The following SLC7A7 variants were observed in gnomAD, a reference collection of about 807,000 sequenced individuals.
SLC7A7 encodes solute carrier family 7 member 7.
Under a neutral mutation model 47.9 loss-of-function variants are expected in SLC7A7, and 39 were observed. The ratio of observed to expected loss-of-function variants is 0.81; its 90% CI spans 0.63 to 1.06. The LOEUF is 1.06. Among genes scored for constraint, SLC7A7 ranks in the 50% least tolerant of loss-of-function variants. SLC7A7 has a pLI of 0.00. For synonymous variants in SLC7A7, 234 were observed against 242.8 expected (o/e 0.96, Z 0.34); for missense variants, 588 against 632.0 (o/e 0.93, Z 0.75).
upstream of SLC7A7, chr14:22,815,789 C>G (rs776867337): frequency 1.4e-5 from 6 of 415,772 alleles, no homozygotes; most frequent in African/African-American, 4.1e-5. Flanking sequence ...CTCTCTCTCT[C>G]TGTGTCCTCC....
At chr14:22,783,942 C>A (rs959697056) in intron 2 of SLC7A7, among the ~76,000 whole-genome samples, 3 of 152,222 alleles carry the variant, frequency 2.0e-5, no homozygotes, top group African/African-American at 7.2e-5. Context: ...AGCCTAGCTT[C>A]CTCCAGGGCC....
At chr14:22,804,879 C>T (rs57997165) in intron 2 of SLC7A7, among the ~76,000 whole-genome samples, 26,067 of 151,900 alleles carry the variant, frequency 0.17, 2,368 homozygotes, top group East Asian at 0.22. Flanking sequence ...GGGGTGTGTA[C>T]GCCTGTTATC....
chr14:22,775,660 G>T, intron 6 of SLC7A7, 120 bp from the exon 7 acceptor site: 1 of 965,760 alleles, frequency 1.0e-6, no homozygotes, highest in Non-Finnish European at 1.7e-6. Flanking sequence ...GGATAATATG[G>T]ACTGGAGCTC....
At chr14:22,798,224 G>C (rs1468081915) in intron 2 of SLC7A7, among the ~76,000 whole-genome samples, 1 of 152,118 alleles carries the variant, frequency 6.6e-6, no homozygotes, top group Non-Finnish European at 1.5e-5. Context: ...TTGAACCCAG[G>C]AGGCGGAGGT....
intron 2 of SLC7A7, among the ~76,000 whole-genome samples, chr14:22,782,414 A>AT (rs34293345): frequency 0.28 from 38,063 of 137,074 alleles, 5,307 homozygotes; most frequent in East Asian, 0.49. Context: ...ATATTTTATT[A>AT]TTTTTTTTTA....
chr14:22,792,071 G>A (rs1386909883), intron 2 of SLC7A7, among the ~76,000 whole-genome samples: 2 of 152,116 alleles, frequency 1.3e-5, no homozygotes, highest in African/African-American at 4.8e-5. Context: ...TCCTGACCCC[G>A]TGATCCACCC....
At chr14:22,778,619 C>T (rs1213542911) in intron 4 of SLC7A7, among the ~76,000 whole-genome samples, 174 bp downstream of exon 4, 1 of 152,130 alleles carries the variant, frequency 6.6e-6, no homozygotes, top group Non-Finnish European at 1.5e-5. Context: ...ATATTTTAGC[C>T]CTGTTACTGT....
In SLC7A7 at chr14:22,813,490, A is replaced by T. The variant is rs3829407; in HGVS notation, c.-42-50T>A. 0.6 allele frequency: 911,871 copies of T among 1,514,964 alleles called. 277,616 individuals are homozygous for T. The highest frequency in any genetic ancestry group is 0.8 in the East Asian group (35,074 of 43,680). 93.8% of individuals were successfully genotyped at this position (1,514,964 alleles called of 1,614,324 possible). On this transcript the variant is annotated intron_variant, in intron 1 of 9. Transcript: ENST00000674313. ...TAGATTAGGTGGTTGGCAATTACAT[A>T]GAACCTCTACCCGCCTCCAACACAG...
At chr14:22,805,193 C>T (rs893158654) in intron 2 of SLC7A7, among the ~76,000 whole-genome samples, 2 of 152,090 alleles carry the variant, frequency 1.3e-5, no homozygotes, top group African/African-American at 4.8e-5. Flanking sequence ...TGGGGAAACT[C>T]CATATCTACT....
At chr14:22,800,551 C>T (rs2039093853) in intron 2 of SLC7A7, among the ~76,000 whole-genome samples, 1 of 152,214 alleles carries the variant, frequency 6.6e-6, no homozygotes, top group Non-Finnish European at 1.5e-5. Flanking sequence ...CAGCTGCCTG[C>T]ATAAGCAGTC....
chr14:22,815,508 G>A (rs1390312635), upstream of SLC7A7: 1 of 454,160 alleles, frequency 2.2e-6, no homozygotes, highest in Non-Finnish European at 4.4e-6. Context: ...AGGAAGGAGT[G>A]AGGGAGGGGG....
intron 3 of SLC7A7, among the ~76,000 whole-genome samples, chr14:22,779,579 C>T (rs906906625): frequency 5.9e-5 from 9 of 151,942 alleles, no homozygotes; most frequent in Non-Finnish European, 1.2e-4. Context: ...CTCAGCCTCC[C>T]GAGTAGCTGG....
upstream of SLC7A7, among the ~76,000 whole-genome samples, chr14:22,819,406 CT>C (rs1294376789): frequency 1.8e-5 from 2 of 110,284 alleles, no homozygotes; most frequent in Non-Finnish European, 3.7e-5. Context: ...AAGACAGTCT[CT>C]TTAAAAAAAA....
At chr14:22,779,885 A>G (rs1246041832) in intron 3 of SLC7A7, 41 bp downstream of exon 3, 4 of 1,597,484 alleles carry the variant, frequency 2.5e-6, no homozygotes, top group Non-Finnish European at 3.4e-6. Flanking sequence ...CTCACAGAAA[A>G]TGCTTAAAAA....
intron 2 of SLC7A7, among the ~76,000 whole-genome samples, chr14:22,802,760 A>G (rs545194188): frequency 1.3e-5 from 2 of 152,184 alleles, no homozygotes; most frequent in African/African-American, 4.8e-5. Flanking sequence ...CCCCAGCTAT[A>G]TCACTCCCCT....
intron 2 of SLC7A7, among the ~76,000 whole-genome samples, chr14:22,803,604 A>G (rs2039152943): frequency 6.6e-6 from 1 of 152,226 alleles, no homozygotes; most frequent in Non-Finnish European, 1.5e-5. Flanking sequence ...TGTATGTGCC[A>G]GGAAAATGCA....
chr14:22,780,119 T>A (rs1399527370), intron 2 of SLC7A7, 68 bp from the exon 3 acceptor site: 3 of 1,604,350 alleles, frequency 1.9e-6, no homozygotes, highest in African/African-American at 1.3e-5. Context: ...TCCCAAGCAA[T>A]TTTTCCAGTA....
At chr14:22,779,722 G>A (rs1016133614) in intron 3 of SLC7A7, among the ~76,000 whole-genome samples, 1 of 152,046 alleles carries the variant, frequency 6.6e-6, no homozygotes, top group Non-Finnish European at 1.5e-5. Context: ...CCAAAGTGCT[G>A]GGATTACAAG....
chr14:22,785,551 A>C (rs2038798098), intron 2 of SLC7A7, among the ~76,000 whole-genome samples: 1 of 151,256 alleles, frequency 6.6e-6, no homozygotes, highest in South Asian at 2.1e-4. Context: ...AACATGGAGA[A>C]ACTCCGTCTC....
Sources: allele counts gnomAD v4.1 joint callset (sites outside exome capture counted in the v4.1 genomes callset), GRCh38; gene constraint gnomAD v4.1.1; transcripts MANE v1.5; gene names NCBI Gene and HGNC (gene_info 2026-07-23, HGNC 2026-07-21).